The following ANXA9 variants were observed in gnomAD, a reference collection of about 807,000 sequenced individuals.
ANXA9 encodes the protein annexin A9, also known as annexin 31.
In ANXA9, 47 loss-of-function variants were observed where a neutral mutation model predicts 51.8. That is an observed-to-expected ratio of 0.91 (90% CI 0.72 to 1.16). The LOEUF (loss-of-function observed/expected upper bound fraction) is 1.16. Ranked by LOEUF, ANXA9 falls within the 50% of genes most tolerant of loss-of-function variation. The probability of loss-of-function intolerance (pLI) is 0.00; values close to 1 mark genes in which losing one functional copy is unlikely to be tolerated. For synonymous variants in ANXA9, 154 were observed against 168.7 expected (o/e 0.91, Z 0.68); for missense variants, 361 against 424.7 (o/e 0.85, Z 1.32).
intron 9 of ANXA9, among the ~76,000 whole-genome samples, chr1:150,987,403 C>T (rs943809328): frequency 1.3e-5 from 2 of 148,676 alleles, no homozygotes; most frequent in South Asian, 2.2e-4. Flanking sequence ...CACACACACA[C>T]GCACACACAC....
At chr1:150,990,587 C>A (rs1350691150) in intron 12 of ANXA9, among the ~76,000 whole-genome samples, 1 of 152,204 alleles carries the variant, frequency 6.6e-6, no homozygotes, top group Non-Finnish European at 1.5e-5. Context: ...TGGCGCATGC[C>A]TGTAATCCCA....
intron 12 of ANXA9, among the ~76,000 whole-genome samples, chr1:150,990,542 T>A (rs1037895659): frequency 1.3e-5 from 2 of 152,126 alleles, no homozygotes; most frequent in Non-Finnish European, 2.9e-5. Context: ...AATTCTGAAT[T>A]GTTTCTAAAA....
chr1:150,982,847 G>A (rs762371079), intron 2 of ANXA9, among the ~76,000 whole-genome samples: 14 of 152,184 alleles, frequency 9.2e-5, no homozygotes, highest in African/African-American at 1.7e-4. Flanking sequence ...TGGTCCAGGA[G>A]CATTCCGCAT....
At chr1:150,977,475 C>T (rs935746420), upstream of ANXA9, among the ~76,000 whole-genome samples, 1 of 152,200 alleles carries the variant, frequency 6.6e-6, no homozygotes, top group African/African-American at 2.4e-5. Flanking sequence ...GCTGGCATGG[C>T]CACGCCCACA....
At chr1:150,992,867 T>C (rs1289376016) in intron 12 of ANXA9, among the ~76,000 whole-genome samples, 2 of 152,112 alleles carry the variant, frequency 1.3e-5, no homozygotes, top group African/African-American at 2.4e-5. Flanking sequence ...TCTGTAACTT[T>C]AGAGTAACAA....
At chr1:150,984,223 A>T in intron 5 of ANXA9, 58 bp from the exon 6 acceptor site, 1 of 1,565,738 alleles carries the variant, frequency 6.4e-7, no homozygotes, top group Non-Finnish European at 8.8e-7. Context: ...ACCTCCCCAC[A>T]CTTCTGGGGC....
At chr1:150,983,236 G>C in intron 3 of ANXA9, 56 bp downstream of exon 3, 2 of 1,603,992 alleles carry the variant, frequency 1.2e-6, no homozygotes, top group Admixed American at 3.4e-5. Flanking sequence ...CGGGCTGTGA[G>C]AGGATGGGAG....
At chr1:150,994,061 G>A (rs1467604352) in intron 12 of ANXA9, among the ~76,000 whole-genome samples, 1 of 152,170 alleles carries the variant, frequency 6.6e-6, no homozygotes, top group African/African-American at 2.4e-5. Context: ...GCAGAGATGG[G>A]GCTGTGAGAT....
chr1:150,979,790 C>T (rs1392402808), upstream of ANXA9, among the ~76,000 whole-genome samples: 1 of 152,166 alleles, frequency 6.6e-6, no homozygotes, highest in East Asian at 1.9e-4. Context: ...CAATACTTAT[C>T]GTTATATATT....
At chr1:150,993,878 C>G (rs1033936755) in intron 12 of ANXA9, among the ~76,000 whole-genome samples, 1 of 151,962 alleles carries the variant, frequency 6.6e-6, no homozygotes, top group Non-Finnish European at 1.5e-5. Flanking sequence ...AGATGATCCA[C>G]GCGCCTCATC....
intron 10 of ANXA9, 59 bp from the exon 11 acceptor site, chr1:150,988,032 C>G: frequency 6.2e-7 from 1 of 1,613,894 alleles, no homozygotes; most frequent in Non-Finnish European, 8.5e-7. Flanking sequence ...GAGGGCCCAT[C>G]CTTTCCAGAG....
chr1:150,982,958 G>T, intron 2 of ANXA9, 132 bp from the exon 3 acceptor site: 1 of 652,174 alleles, frequency 1.5e-6, no homozygotes, highest in Non-Finnish European at 2.6e-6. Flanking sequence ...GCCTAAGCAG[G>T]TTGATCTTTT....
intron 2 of ANXA9, 89 bp from the exon 3 acceptor site, chr1:150,983,001 A>C (rs1030604438): frequency 3.2e-5 from 29 of 910,790 alleles, no homozygotes; most frequent in Non-Finnish European, 4.5e-5. Context: ...AGGTGACTGG[A>C]ACCCAGGGTC....
In ANXA9 at chr1:150,994,570, C is replaced by T; in HGVS notation, c.853-7C>T. The T allele has an allele frequency of 6.2e-7, 1 of 1,613,752 alleles. No homozygotes were observed. The highest frequency in any genetic ancestry group is 8.5e-7 in the Non-Finnish European group (1 of 1,179,720). On this transcript the variant is annotated splice_polypyrimidine_tract_variant and splice_region_variant and intron_variant, in intron 12 of 13. Coordinates refer to ENST00000368947, the MANE Select transcript of ANXA9 (RefSeq NM_003568.3). ...AACTACCCCCCATCTCTTTCTTCCC[C>T]TACTAGGAAACTGAGCCCAATTACC...
In ANXA9 at chr1:150,988,347, A is replaced by T; in HGVS notation, c.852+6A>T. 1 of 1,613,852 alleles carries T rather than the reference A, an allele frequency of 6.2e-7. No homozygotes were observed. ...AACTTCATCAAGCCCTCCAGGTGAG[A>T]GGGGCACTCCTTTCCCTCCCCAGAA... On this transcript the variant is annotated splice_donor_region_variant and intron_variant, in intron 12 of 13. Coordinates refer to ENST00000368947, the MANE Select transcript of ANXA9 (RefSeq NM_003568.3).
intron 13 of ANXA9, 25 bp downstream of exon 13, chr1:150,994,724 T>A: frequency 6.2e-7 from 1 of 1,612,498 alleles, no homozygotes; most frequent in Non-Finnish European, 8.5e-7. Context: ...CTTCTTAGCC[T>A]GGAGCCTCAG....
chr1:150,983,957 G>A lies in ANXA9; in HGVS notation c.173-18G>A. 6.2e-7 allele frequency: 1 copy of A among 1,607,706 alleles called. No individual in the cohort carries two copies. Among genetic ancestry groups the A allele is most frequent in the African/African-American group, 1.3e-5 (1 of 74,886 alleles). On this transcript the variant is annotated intron_variant, in intron 4 of 13. Coordinates refer to ENST00000368947, the MANE Select transcript of ANXA9 (RefSeq NM_003568.3). ...ATGTAAAGACCCTGCTCACAGCACA[G>A]CCCTCATCTCGGTTCAGGCGTGGAC... is the stretch of plus-strand genomic sequence containing the variant.
At chr1:150,986,501 T>C (rs2305814) in intron 8 of ANXA9, 86 bp downstream of exon 8, 711,682 of 1,573,920 alleles carry the variant, frequency 0.45, 165,107 homozygotes, top group Admixed American at 0.63. Context: ...TGTCCTGTAA[T>C]GGACAAGAGA....
At chr1:150,991,290 G>T (rs772927730) in intron 12 of ANXA9, among the ~76,000 whole-genome samples, 6 of 151,550 alleles carry the variant, frequency 4.0e-5, no homozygotes, top group Non-Finnish European at 8.8e-5. Flanking sequence ...AGGCTGGAGT[G>T]CAGTGGCGCG....
Sources: gnomAD v4.1 joint callset for allele counts (sites outside exome capture counted in the v4.1 genomes callset) on GRCh38, gnomAD v4.1.1 for gene constraint, MANE v1.5 for transcripts, NCBI Gene and HGNC (gene_info 2026-07-23, HGNC 2026-07-21) for gene names.